The following UNC5C variants were observed in gnomAD, a reference collection of about 807,000 sequenced individuals.
The protein encoded by UNC5C is netrin receptor UNC5C.
A neutral mutation model predicts 99.8 loss-of-function variants in UNC5C; 47 were observed. The ratio of observed to expected loss-of-function variants is 0.47; its 90% CI spans 0.37 to 0.60. The LOEUF (loss-of-function observed/expected upper bound fraction) is 0.60. UNC5C is among the 20% of genes least tolerant of loss of function. The pLI, the probability that UNC5C is intolerant of heterozygous loss-of-function variation, is 0.00. For synonymous variants in UNC5C, 487 were observed against 452.2 expected (o/e 1.08, Z -0.98); for missense variants, 1,062 against 1,165.9 (o/e 0.91, Z 1.30).
At chr4:95,526,637 C>A (rs1199199148) in intron 1 of UNC5C, among the ~76,000 whole-genome samples, 1 of 151,694 alleles carries the variant, frequency 6.6e-6, no homozygotes, top group Non-Finnish European at 1.5e-5. Context: ...AATTAAATCC[C>A]AGAGTATTTA....
intron 3 of UNC5C, among the ~76,000 whole-genome samples, chr4:95,283,601 C>T (rs576339345): frequency 6.6e-6 from 1 of 152,298 alleles, no homozygotes; most frequent in Non-Finnish European, 1.5e-5. Context: ...GGCCAGTTGC[C>T]TTGCAGGCAG....
chr4:95,180,076 G>A (rs28646007), intron 14 of UNC5C, among the ~76,000 whole-genome samples: 1 of 152,122 alleles, frequency 6.6e-6, no homozygotes. Context: ...AGTGGCACCA[G>A]TAAAAATGGT....
chr4:95,529,065 A>G (rs1178776939), intron 1 of UNC5C, among the ~76,000 whole-genome samples: 2 of 151,624 alleles, frequency 1.3e-5, no homozygotes, highest in African/African-American at 4.8e-5. Context: ...TTATGATTTT[A>G]TACATTTTAT....
At chr4:95,431,221 A>G (rs1330069942) in intron 1 of UNC5C, among the ~76,000 whole-genome samples, 1 of 151,838 alleles carries the variant, frequency 6.6e-6, no homozygotes, top group Non-Finnish European at 1.5e-5. Context: ...GTTTCCTAGC[A>G]CCCCTTATGC....
intron 3 of UNC5C, among the ~76,000 whole-genome samples, chr4:95,278,624 G>A (rs1172349110): frequency 6.6e-6 from 1 of 151,918 alleles, no homozygotes; most frequent in African/African-American, 2.4e-5. Flanking sequence ...ACAGGTGCAT[G>A]CTAGCATGCT....
At chr4:95,458,364 C>CA (rs779489733) in intron 1 of UNC5C, among the ~76,000 whole-genome samples, 1 of 151,906 alleles carries the variant, frequency 6.6e-6, no homozygotes, top group African/African-American at 2.4e-5. Context: ...ATTGTTCTGT[C>CA]AAGTAAAAAA....
At chr4:95,245,866 A>G (rs537085628) in intron 5 of UNC5C, among the ~76,000 whole-genome samples, 2 of 152,348 alleles carry the variant, frequency 1.3e-5, no homozygotes, top group South Asian at 4.1e-4. Flanking sequence ...ACTTTGATAT[A>G]TATTTTTAAT....
At chr4:95,301,250 C>A in intron 3 of UNC5C, among the ~76,000 whole-genome samples, 1 of 134,894 alleles carries the variant, frequency 7.4e-6, no homozygotes. Flanking sequence ...GGCTGGAGTG[C>A]AGTGGCATAA....
intron 3 of UNC5C, among the ~76,000 whole-genome samples, chr4:95,298,007 T>C (rs1323024565): frequency 6.6e-6 from 1 of 152,216 alleles, no homozygotes; most frequent in African/African-American, 2.4e-5. Flanking sequence ...GTTCCCAACT[T>C]ATCCTCAAAA....
At chr4:95,274,830 G>A (rs548546440) in intron 4 of UNC5C, among the ~76,000 whole-genome samples, 5 of 152,002 alleles carry the variant, frequency 3.3e-5, no homozygotes, top group South Asian at 2.1e-4. Context: ...GTTTGAGATC[G>A]GCCTGGCCAA....
chr4:95,274,376 C>T (rs1003677695), intron 4 of UNC5C, among the ~76,000 whole-genome samples: 1 of 152,098 alleles, frequency 6.6e-6, no homozygotes, highest in African/African-American at 2.4e-5. Flanking sequence ...AGAGTCTGCT[C>T]TCGTGCTAAG....
intron 5 of UNC5C, among the ~76,000 whole-genome samples, chr4:95,246,350 A>C (rs1444651177): frequency 6.6e-6 from 1 of 152,042 alleles, no homozygotes; most frequent in Non-Finnish European, 1.5e-5. Context: ...TGAGACCAAG[A>C]GTTCAAGACC....
chr4:95,468,662 A>G lies in UNC5C; in HGVS notation c.124+80072T>C, dbSNP rs539903070. ...TCCAAACCTTTATAATGTTCTCTCT[A>G]TGGAGGTTCTCTTCCATATCATTGA... On this transcript the variant is annotated intron_variant, in intron 1 of 15. Transcript: ENST00000453304. Among the ~76,000 whole-genome samples the G allele has an allele frequency of 1.2e-4, 19 of 152,210 alleles. No individual in the cohort carries two copies. In the South Asian group the frequency reaches 3.7e-3, roughly 30 times the overall value.
intron 1 of UNC5C, among the ~76,000 whole-genome samples, chr4:95,482,403 T>G (rs912670307): frequency 1.4e-4 from 22 of 151,842 alleles, no homozygotes; most frequent in Non-Finnish European, 2.9e-4. Flanking sequence ...ACTTTTATAC[T>G]GTTGGTGGGA....
chr4:95,191,502 C>G (rs1010567078), intron 12 of UNC5C, among the ~76,000 whole-genome samples: 5 of 151,968 alleles, frequency 3.3e-5, no homozygotes, highest in African/African-American at 1.2e-4. Flanking sequence ...GGCTAGTGCT[C>G]CGGACCCTGG....
chr4:95,374,573 T>C (rs1016036877), intron 1 of UNC5C, among the ~76,000 whole-genome samples: 4 of 151,984 alleles, frequency 2.6e-5, no homozygotes, highest in Admixed American at 6.6e-5. Flanking sequence ...AAGCAAATGA[T>C]CCATGCAGAC....
chr4:95,519,534 T>C (rs1054760382), intron 1 of UNC5C, among the ~76,000 whole-genome samples: 3 of 149,566 alleles, frequency 2.0e-5, no homozygotes, highest in East Asian at 1.9e-4. Context: ...CATTAGCACA[T>C]TTAAAAAAAA....
At chr4:95,465,022 C>G (rs1391326203) in intron 1 of UNC5C, among the ~76,000 whole-genome samples, 1 of 152,146 alleles carries the variant, frequency 6.6e-6, no homozygotes, top group Non-Finnish European at 1.5e-5. Context: ...ATGATCCAGG[C>G]TGAACGTGTG....
intron 1 of UNC5C, among the ~76,000 whole-genome samples, chr4:95,530,348 A>G (rs73842324): frequency 0.014 from 2,078 of 152,316 alleles, 49 homozygotes; most frequent in African/African-American, 0.047. Context: ...ATGGGGTCAT[A>G]CAGATATATC....
Sources: gnomAD v4.1 joint callset for allele counts (sites outside exome capture counted in the v4.1 genomes callset) on GRCh38, gnomAD v4.1.1 for gene constraint, MANE v1.5 for transcripts, NCBI Gene and HGNC (gene_info 2026-07-23, HGNC 2026-07-21) for gene names.